Variants in MESP1 observed in about 807,000 individuals in gnomAD.
The protein encoded by MESP1 is mesoderm posterior protein 1.
A neutral mutation model predicts 15.2 loss-of-function variants in MESP1; 22 were observed. The observed-to-expected ratio is 1.45, with a 90% CI of 1.04 to 2.07. The LOEUF (loss-of-function observed/expected upper bound fraction) is 2.07, where lower values mean the gene tolerates loss of function less well. Among genes scored for constraint, MESP1 ranks in the 30% most tolerant of loss-of-function variants. The probability of loss-of-function intolerance (pLI) is 0.00; values close to 1 mark genes in which losing one functional copy is unlikely to be tolerated. For missense variants in MESP1, 484 were observed against 411.9 expected, an observed-to-expected ratio of 1.17 and a Z score of -1.51; for synonymous variants, 216 against 192.6, an observed-to-expected ratio of 1.12 and a Z score of -1.01.
the MESP1 span, among the ~76,000 whole-genome samples, chr15:89,732,634 C>G: frequency 6.6e-6 from 1 of 151,934 alleles, no homozygotes; most frequent in South Asian, 2.1e-4. Flanking sequence ...CACACACACA[C>G]ACACACACCG....
At chr15:89,736,398 G>C in the MESP1 span, among the ~76,000 whole-genome samples, 2,494 of 152,220 alleles carry the variant, frequency 0.016, 80 homozygotes, top group African/African-American at 0.057. Flanking sequence ...TGAAAATGTA[G>C]ATTCCATGCT....
chr15:89,748,129 T>C (rs1968007516), downstream of MESP1, among the ~76,000 whole-genome samples: 1 of 152,360 alleles, frequency 6.6e-6, no homozygotes, highest in South Asian at 2.1e-4. Flanking sequence ...GCCCCACTTA[T>C]CTGTGAAAAG....
the MESP1 span, among the ~76,000 whole-genome samples, chr15:89,739,538 A>G: frequency 6.6e-6 from 1 of 152,322 alleles, no homozygotes; most frequent in Non-Finnish European, 1.5e-5. Context: ...TACTCAGGCC[A>G]TTCTGGAGAA....
At chr15:89,738,841 C>G in the MESP1 span, among the ~76,000 whole-genome samples, 5,783 of 150,218 alleles carry the variant, frequency 0.038, 400 homozygotes, top group African/African-American at 0.13. Flanking sequence ...TAGGCCAGGC[C>G]CGGTGGCTCA....
At chr15:89,750,411 C>A in intron 1 of MESP1, 98 bp downstream of exon 1, 2 of 1,450,640 alleles carry the variant, frequency 1.4e-6, no homozygotes, top group Non-Finnish European at 1.8e-6. Context: ...GCCAGGCTGC[C>A]GGCGGGGAGC....
the MESP1 span, among the ~76,000 whole-genome samples, chr15:89,737,012 C>T: frequency 0.65 from 98,077 of 151,984 alleles, 31,907 homozygotes; most frequent in East Asian, 0.69. Context: ...AGGATGGTCT[C>T]GATCTCCTGA....
At chr15:89,750,357 G>A in intron 1 of MESP1, 130 bp from the exon 2 acceptor site, 1 of 1,496,566 alleles carries the variant, frequency 6.7e-7, no homozygotes, top group African/African-American at 1.4e-5. Flanking sequence ...GCCTTTCCCT[G>A]CCTTCGCTTC....
downstream of MESP1, among the ~76,000 whole-genome samples, chr15:89,746,221 C>CT (rs1469980519): frequency 6.6e-6 from 1 of 150,552 alleles, no homozygotes; most frequent in Non-Finnish European, 1.5e-5. Flanking sequence ...AGCATCCTCA[C>CT]TTACTCACAT....
the MESP1 span, among the ~76,000 whole-genome samples, chr15:89,741,765 T>A: frequency 6.6e-6 from 1 of 152,092 alleles, no homozygotes; most frequent in East Asian, 1.9e-4. Context: ...AATACTTTTT[T>A]TTTTTGAGAT....
the MESP1 span, among the ~76,000 whole-genome samples, chr15:89,736,587 C>G: frequency 6.6e-6 from 1 of 152,030 alleles, no homozygotes; most frequent in African/African-American, 2.4e-5. Context: ...TGCATGGGGA[C>G]AGTCCTGCAA....
the MESP1 span, chr15:89,733,138 T>A: frequency 6.2e-7 from 1 of 1,614,216 alleles, no homozygotes; most frequent in Middle Eastern, 1.6e-4. Flanking sequence ...ATGAAATGTG[T>A]GGTGCTGTGC....
At chr15:89,739,795 A>G in the MESP1 span, among the ~76,000 whole-genome samples, 1 of 152,284 alleles carries the variant, frequency 6.6e-6, no homozygotes, top group East Asian at 1.9e-4. Context: ...TCCAATCACC[A>G]TAATGTCTCT....
chr15:89,745,589 C>T (rs1174055088), downstream of MESP1, among the ~76,000 whole-genome samples: 3 of 152,080 alleles, frequency 2.0e-5, no homozygotes, highest in South Asian at 2.1e-4. The surrounding 1 kb of genome is among the most constrained non-coding windows in gnomAD (Gnocchi z 4.8). Flanking sequence ...AGGTGAAACC[C>T]CGTCTCTACT....
chr15:89,746,376 C>CTCCACACA (rs1468685249), downstream of MESP1, among the ~76,000 whole-genome samples: 2 of 143,784 alleles, frequency 1.4e-5, no homozygotes, highest in African/African-American at 5.8e-5. Context: ...GCATCCACAC[C>CTCCACACA]TCCACACATC....
the MESP1 span, among the ~76,000 whole-genome samples, chr15:89,733,693 G>A: frequency 3.3e-5 from 5 of 152,252 alleles, no homozygotes; most frequent in African/African-American, 7.2e-5. Flanking sequence ...ACCCTATGCC[G>A]TCTCGGGACT....
At chr15:89,736,768 G>T in the MESP1 span, among the ~76,000 whole-genome samples, 1 of 151,776 alleles carries the variant, frequency 6.6e-6, no homozygotes, top group Non-Finnish European at 1.5e-5. Context: ...GTGGCAGCTG[G>T]AGGAGGCTGT....
the MESP1 span, chr15:89,735,522 C>T: frequency 8.1e-6 from 13 of 1,614,130 alleles, no homozygotes; most frequent in South Asian, 1.4e-4. Flanking sequence ...ACCATCTGTG[C>T]CGTGGCCCCA....
At chr15:89,750,322 G>A (rs1343300177) in intron 1 of MESP1, 95 bp from the exon 2 acceptor site, 5 of 1,562,442 alleles carry the variant, frequency 3.2e-6, no homozygotes, top group Middle Eastern at 3.7e-4. Context: ...GGCCCCTAGC[G>A]AGGGGAGACC....
chr15:89,742,823 G>A, the MESP1 span, among the ~76,000 whole-genome samples: 23 of 152,234 alleles, frequency 1.5e-4, no homozygotes, highest in Non-Finnish European at 2.2e-4. Context: ...GTGAGCCACC[G>A]CGCCTGGCCA....
Sources: allele counts gnomAD v4.1 joint callset (sites outside exome capture counted in the v4.1 genomes callset), GRCh38; gene constraint gnomAD v4.1.1; non-coding constraint Gnocchi (gnomAD v3.1); transcripts MANE v1.5; gene names NCBI Gene and HGNC (gene_info 2026-07-23, HGNC 2026-07-21).